ZNF766: variants seen among roughly 807,000 people sequenced by gnomAD.
The protein encoded by ZNF766 is zinc finger protein 766.
A neutral mutation model predicts 13.2 loss-of-function variants in ZNF766; 13 were observed. The observed-to-expected ratio is 0.98, with a 90% CI of 0.64 to 1.56. ZNF766 has a LOEUF of 1.56. Among genes scored for constraint, ZNF766 ranks in the 40% most tolerant of loss-of-function variants. The pLI, the probability that ZNF766 is intolerant of heterozygous loss-of-function variation, is 0.00. For missense variants in ZNF766, 521 were observed against 552.2 expected (o/e 0.94, Z 0.57); for synonymous variants, 178 against 187.6 (o/e 0.95, Z 0.42).
Position 52,290,617 on chromosome 19 carries a change from T to C in ZNF766, c.826T>C (p.Cys276Arg). The change falls in exon 4 of 4, where the codon TGT becomes CGT. Residue 276 changes from cysteine to arginine, a missense_variant. Cys to Arg is a radical substitution (Grantham distance 180). Transcript: ENST00000439461. ...AGAGAGTCCTTACAAATGTAATGAG[T>C]GTGGCAAGGTCTTCAGTCGAATTAC... ...TGESPYKCNE[C>R]GKVFSRITYL... is the part of the protein sequence containing the mutation. The C allele has an allele frequency of 6.2e-7, 1 of 1,614,028 alleles. No individual in the cohort carries two copies. The highest frequency in any genetic ancestry group is 8.5e-7 in the Non-Finnish European group (1 of 1,179,980).
intron 3 of ZNF766, among the ~76,000 whole-genome samples, chr19:52,289,281 G>T (rs1568622508): frequency 1.3e-5 from 2 of 151,726 alleles, no homozygotes; most frequent in East Asian, 3.9e-4. Flanking sequence ...CTCCTGAGTA[G>T]CTGGGATTAC....
At chr19:52,289,202 G>A (rs1981987651) in intron 3 of ZNF766, among the ~76,000 whole-genome samples, 1 of 144,316 alleles carries the variant, frequency 6.9e-6, no homozygotes, top group African/African-American at 2.7e-5. Context: ...TCAGGCTAGA[G>A]TTTAATGGCA....
chr19:52,285,476 G>A (rs1981769316), intron 3 of ZNF766, among the ~76,000 whole-genome samples: 1 of 152,222 alleles, frequency 6.6e-6, no homozygotes, highest in Non-Finnish European at 1.5e-5. Flanking sequence ...GTTTGCTAGA[G>A]CAGCTCACAG....
chr19:52,287,000 T>A (rs751336903), intron 3 of ZNF766, among the ~76,000 whole-genome samples: 4 of 151,874 alleles, frequency 2.6e-5, no homozygotes, highest in African/African-American at 7.3e-5. Context: ...CATGCCCGGA[T>A]AACTTTTATA....
At chr19:52,272,917 G>C (rs1314408431) in intron 1 of ZNF766, among the ~76,000 whole-genome samples, 1 of 152,162 alleles carries the variant, frequency 6.6e-6, no homozygotes, top group Non-Finnish European at 1.5e-5. Context: ...CTGCAGTCCT[G>C]CACATCTCAG....
Position 52,290,849 on chromosome 19 carries a change from A to C in ZNF766, c.1058A>C (p.Lys353Thr). The part of the protein sequence containing the change: ...TTHLLIHTGE[K>T]PYKCKECDKA... ...CATCTGTTAATCCACACTGGAGAGA[A>C]ACCTTACAAATGTAAAGAATGTGAC... The change falls in exon 4 of 4, where the codon AAA becomes ACA. Residue 353 changes from lysine to threonine, a missense_variant. Lys to Thr is a moderately conservative substitution (Grantham distance 78, BLOSUM62 -1). Coordinates refer to ENST00000439461, the MANE Select transcript of ZNF766 (RefSeq NM_001010851.3). The C allele has an allele frequency of 6.2e-7, 1 of 1,614,166 alleles. No individual in the cohort carries two copies. Among genetic ancestry groups the C allele is most frequent in the Non-Finnish European group, 8.5e-7 (1 of 1,180,000 alleles).
rs781430081 is a variant in ZNF766, at chr19:52,269,628, G to T, written c.15G>T (p.Arg5=). MAQL[R]RGHLTFRDVA... ...GGCGTGGAGATATGGCGCAACTGCG[G>T]CGCGTGAGTTTTCCTTTGTTTAGAT... The change falls in exon 1 of 4, where the codon CGG becomes CGT. Residue 5 remains arginine, a synonymous_variant. Transcript: ENST00000439461. 1.2e-6 allele frequency: 2 copies of T among 1,613,010 alleles called. No homozygotes were observed. Among genetic ancestry groups the T allele is most frequent in the Admixed American group, 1.7e-5 (1 of 59,990 alleles).
At chr19:52,271,187 G>A (rs1315785227) in intron 1 of ZNF766, among the ~76,000 whole-genome samples, 1 of 152,138 alleles carries the variant, frequency 6.6e-6, no homozygotes, top group Non-Finnish European at 1.5e-5. Context: ...GGATACAGGT[G>A]GAAGAGCCAT....
At chr19:52,289,431 C>T (rs1361480300) in intron 3 of ZNF766, among the ~76,000 whole-genome samples, 1 of 152,074 alleles carries the variant, frequency 6.6e-6, no homozygotes. Flanking sequence ...GGATTACAGC[C>T]ACCACACCTG....
chr19:52,280,388 T>C (rs1182544045), intron 1 of ZNF766, among the ~76,000 whole-genome samples: 1 of 152,002 alleles, frequency 6.6e-6, no homozygotes, highest in Admixed American at 6.6e-5. Flanking sequence ...AGATGACAAA[T>C]ATCATCTAAA....
intron 1 of ZNF766, among the ~76,000 whole-genome samples, chr19:52,271,398 T>G (rs1980966590): frequency 6.6e-6 from 1 of 152,060 alleles, no homozygotes; most frequent in Non-Finnish European, 1.5e-5. Flanking sequence ...GAAAAACACG[T>G]GCACATTTCC....
chr19:52,291,131 T>A lies in ZNF766; in HGVS notation c.1340T>A (p.Val447Asp). 1.2e-6 allele frequency: 2 copies of A among 1,613,458 alleles called. No homozygotes were observed. The highest frequency in any genetic ancestry group is 1.7e-6 in the Non-Finnish European group (2 of 1,179,596). Residue 447 changes from valine (V) to aspartate (D), a missense_variant, in exon 4 of 4, where the codon GTC becomes GAC. Physicochemically the swap from Val to Asp is radical, Grantham distance 152. Coordinates refer to ENST00000439461, the MANE Select transcript of ZNF766 (RefSeq NM_001010851.3). ...TACAAATGCCATGTGTGTGGTAAGG[T>A]CTTTAGGCACAGTTCATGGTTTGTA... ...KPYKCHVCGKVFRHSSWFVQH... is the reference protein window; with the variant it reads ...KPYKCHVCGKDFRHSSWFVQH...
chr19:52,287,482 G>A (rs576974196), intron 3 of ZNF766, among the ~76,000 whole-genome samples: 4 of 152,322 alleles, frequency 2.6e-5, no homozygotes, highest in Non-Finnish European at 4.4e-5. Flanking sequence ...CTGCTTTCAA[G>A]GTAACACTGG....
At chr19:52,283,230 G>C (rs1981622925) in intron 2 of ZNF766, 55 bp from the exon 3 acceptor site, 1 of 1,572,780 alleles carries the variant, frequency 6.4e-7, no homozygotes. Flanking sequence ...CCTAAACAGA[G>C]GGCTTGGATT....
At chr19:52,277,241 C>T (rs889480984) in intron 1 of ZNF766, 24 of 1,158,772 alleles carry the variant, frequency 2.1e-5, no homozygotes, top group Non-Finnish European at 2.6e-5. Context: ...GGGCAGATCA[C>T]GAGGTCAGGA....
At chr19:52,284,908 A>G (rs1379456269) in intron 3 of ZNF766, 1 of 152,106 alleles carries the variant, frequency 6.6e-6, no homozygotes, top group Non-Finnish European at 1.5e-5. Context: ...GGCCCACCGC[A>G]CGTGTTCAGC....
intron 1 of ZNF766, among the ~76,000 whole-genome samples, chr19:52,279,258 G>A (rs886519393): frequency 1.1e-4 from 17 of 152,186 alleles, no homozygotes; most frequent in Admixed American, 9.2e-4. Context: ...CCAGTACCAT[G>A]TTGTTTTGGT....
In ZNF766 at chr19:52,292,666, T is replaced by A. The variant is rs1982203261; in HGVS notation, c.*1468T>A. ...ATTCACATTTAACTGCTGGCATAAT[T>A]TGCAACTGTTGGATTTTCTCATGTT... On this transcript the variant is annotated 3_prime_UTR_variant, in exon 4 of 4. Transcript: ENST00000439461. The A allele has an allele frequency of 6.5e-6, 1 of 152,996 alleles. No individual in the cohort carries two copies. Among genetic ancestry groups the A allele is most frequent in the Non-Finnish European group, 1.5e-5 (1 of 68,582 alleles). 9.5% of individuals were successfully genotyped at this position (152,996 alleles called of 1,614,324 possible).
intron 1 of ZNF766, among the ~76,000 whole-genome samples, chr19:52,272,507 C>T (rs1981018655): frequency 6.6e-6 from 1 of 152,136 alleles, no homozygotes; most frequent in South Asian, 2.1e-4. Context: ...CAGTCTGTCA[C>T]CCAGACTGGA....
Sources: gnomAD v4.1 joint callset for allele counts (sites outside exome capture counted in the v4.1 genomes callset) on GRCh38, gnomAD v4.1.1 for gene constraint, MANE v1.5 for transcripts, NCBI Gene and HGNC (gene_info 2026-07-23, HGNC 2026-07-21) for gene names.